ARID2: variants seen among roughly 807,000 people sequenced by gnomAD.
ARID2 encodes the protein AT-rich interaction domain 2, also known as AT-rich interactive domain-containing protein 2.
In ARID2, 32 loss-of-function variants were observed where a neutral mutation model predicts 184.6. The observed-to-expected ratio is 0.17, with a 90% CI of 0.13 to 0.23. The LOEUF is 0.23. Among genes scored for constraint, ARID2 ranks in the 10% least tolerant of loss-of-function variants. The pLI is 1.00. For missense variants in ARID2, 1,696 were observed against 2,197.6 expected (o/e 0.77, Z 4.56); for synonymous variants, 836 against 772.6 (o/e 1.08, Z -1.36).
intron 16 of ARID2, among the ~76,000 whole-genome samples, chr12:45,884,518 CACATTTTAAAA>C (rs1944155605): frequency 1.3e-5 from 2 of 152,214 alleles, no homozygotes; most frequent in East Asian, 1.9e-4. Context: ...TTGGCAGGTA[CACATTTTAAAA>C]ACATTTTAAA....
rs1184036990 is a variant in ARID2, at chr12:45,852,649, C to T, written c.4526C>T (p.Thr1509Ile). Residue 1509 changes from threonine (T) to isoleucine (I), a missense_variant, in exon 15 of 21, where the codon ACA (threonine) becomes ATA (isoleucine). Physicochemically the swap from Thr to Ile is moderately conservative, Grantham distance 89 (BLOSUM62 -1). This residue lies in a region of ARID2 where 428 missense variants were observed against 409.1 expected (regional missense o/e 1.05). Transcript: ENST00000334344. ...LSSDVRSTNG[T>I]AECKTVKRPA... ...TCTGACGTTCGGTCTACAAATGGCA[C>T]AGCAGAATGCAAAACTGTAAAGAGG... 21 of 1,614,168 alleles carry T rather than the reference C, an allele frequency of 1.3e-5. No individual in the cohort carries two copies. The highest frequency in any genetic ancestry group is 1.6e-5 in the Non-Finnish European group (19 of 1,180,010).
chr12:45,824,419 C>T (rs1475750201), intron 6 of ARID2, among the ~76,000 whole-genome samples: 1 of 151,824 alleles, frequency 6.6e-6, no homozygotes, highest in Non-Finnish European at 1.5e-5. Context: ...ATTGGAAGTC[C>T]TAGCCAAAGG....
At chr12:45,733,224 C>G (rs527335788) in intron 3 of ARID2, among the ~76,000 whole-genome samples, 1 of 152,078 alleles carries the variant, frequency 6.6e-6, no homozygotes, top group Admixed American at 6.5e-5. Flanking sequence ...TAAAGAAATA[C>G]AAAAGAAATA....
rs2136475028 is a variant in ARID2, at chr12:45,908,035, T to G, written c.*2957T>G. ...AATGACAATAAAATGATTTTTAAAATGAGAATGTTTTGGATAAGTGACTTC... is the reference window on the plus strand; with the variant it reads ...AATGACAATAAAATGATTTTTAAAAGGAGAATGTTTTGGATAAGTGACTTC... On this transcript the variant is annotated 3_prime_UTR_variant, in exon 21 of 21. Coordinates refer to ENST00000334344, the MANE Select transcript of ARID2 (RefSeq NM_152641.4). 4.6e-6 allele frequency: 1 copy of G among 216,808 alleles called. No individual in the cohort carries two copies. Among genetic ancestry groups the G allele is most frequent in the Admixed American group, 5.8e-5 (1 of 17,206 alleles). 13.4% of individuals were successfully genotyped at this position (216,808 alleles called of 1,614,324 possible).
At chr12:45,847,835 CCTT>C (rs1225420984) in intron 12 of ARID2, among the ~76,000 whole-genome samples, 5 of 151,924 alleles carry the variant, frequency 3.3e-5, no homozygotes, top group Admixed American at 6.6e-5. Context: ...TTTTTCCTCA[CCTT>C]CTATATTTTT....
Position 45,785,772 on chromosome 12 carries a change from TG to T in ARID2, c.285-25644del, listed in dbSNP as rs574978618. On this transcript the variant is annotated intron_variant, in intron 3 of 20. Transcript: ENST00000334344. ...AAAAATTCAAAATCTGAAATAGTTT[TG>T]GTCCTAAGCATTTTGGATAAGGAAT... 1.4e-3 allele frequency among the ~76,000 whole-genome samples: 212 copies of T among 152,308 alleles called. 1 individual carries two copies. Among genetic ancestry groups the T allele is most frequent in the African/African-American group, 5.0e-3 (209 of 41,578 alleles).
intron 11 of ARID2, among the ~76,000 whole-genome samples, chr12:45,843,379 T>C (rs1402287751): frequency 6.6e-6 from 1 of 151,492 alleles, no homozygotes; most frequent in African/African-American, 2.4e-5. Flanking sequence ...TTTCTTCTTT[T>C]TTTTTTTTTT....
chr12:45,865,371 T>A (rs1565630218), intron 16 of ARID2, among the ~76,000 whole-genome samples: 1 of 152,140 alleles, frequency 6.6e-6, no homozygotes, highest in Non-Finnish European at 1.5e-5. Flanking sequence ...GTTTTTCTCA[T>A]TTTTTCAATT....
chr12:45,739,009 C>T (rs1941189866), intron 3 of ARID2, among the ~76,000 whole-genome samples: 4 of 151,572 alleles, frequency 2.6e-5, no homozygotes, highest in African/African-American at 9.7e-5. Flanking sequence ...GCTCTTGTTA[C>T]CCAGGCTAGA....
chr12:45,853,753 C>A (rs1164537189), intron 15 of ARID2, among the ~76,000 whole-genome samples: 1 of 152,244 alleles, frequency 6.6e-6, no homozygotes, highest in Non-Finnish European at 1.5e-5. Flanking sequence ...TCTGCTGACA[C>A]AGTTCTGGCT....
chr12:45,855,450 T>G (rs1043079919), intron 15 of ARID2, among the ~76,000 whole-genome samples: 7 of 152,172 alleles, frequency 4.6e-5, no homozygotes, highest in African/African-American at 1.7e-4. Context: ...TCTATGAGAA[T>G]GAGAATAACA....
intron 11 of ARID2, chr12:45,841,149 G>C (rs1943336370): frequency 1.3e-5 from 2 of 152,134 alleles, no homozygotes; most frequent in African/African-American, 4.8e-5. Flanking sequence ...GGACATAAAG[G>C]AGCAGTGTTA....
At chr12:45,735,583 A>G (rs1223339918) in intron 3 of ARID2, among the ~76,000 whole-genome samples, 1 of 151,912 alleles carries the variant, frequency 6.6e-6, no homozygotes, top group African/African-American at 2.4e-5. Flanking sequence ...AGCCTTCCAA[A>G]GTGCTCGGAT....
intron 13 of ARID2, 40 bp from the exon 14 acceptor site, chr12:45,849,540 A>G (rs1448851545): frequency 6.6e-7 from 1 of 1,505,686 alleles, no homozygotes; most frequent in East Asian, 2.3e-5. Flanking sequence ...AGTCAATGTG[A>G]TAGTTATCAA....
At chr12:45,804,036 A>G (rs1014726844) in intron 3 of ARID2, among the ~76,000 whole-genome samples, 4 of 152,194 alleles carry the variant, frequency 2.6e-5, no homozygotes, top group Non-Finnish European at 2.9e-5. Flanking sequence ...GACAGTGTCA[A>G]TGCATAAATT....
chr12:45,825,017 C>T (rs1942967939), intron 6 of ARID2, among the ~76,000 whole-genome samples: 1 of 151,802 alleles, frequency 6.6e-6, no homozygotes, highest in South Asian at 2.1e-4. Flanking sequence ...TTCATGTTCT[C>T]ACTCGTATGT....
intron 3 of ARID2, among the ~76,000 whole-genome samples, chr12:45,737,371 C>T (rs1941150886): frequency 6.6e-6 from 1 of 151,698 alleles, no homozygotes; most frequent in Non-Finnish European, 1.5e-5. Context: ...CTTTTTTTCC[C>T]CATTATACCA....
chr12:45,862,526 T>A (rs1943766123), intron 16 of ARID2, among the ~76,000 whole-genome samples: 1 of 152,308 alleles, frequency 6.6e-6, no homozygotes, highest in Non-Finnish European at 1.5e-5. Context: ...GGTAGTGTGC[T>A]AAAGGTGTTT....
At chr12:45,841,740 C>T (rs1296237314) in intron 11 of ARID2, 2 of 152,092 alleles carry the variant, frequency 1.3e-5, no homozygotes, top group Non-Finnish European at 2.9e-5. Flanking sequence ...TACCATCATT[C>T]ATTTTTTAAA....
Sources: gnomAD v4.1 joint callset for allele counts (sites outside exome capture counted in the v4.1 genomes callset) on GRCh38, gnomAD v4.1.1 for gene constraint, gnomAD v4.1.1 regional missense constraint, MANE v1.5 for transcripts, NCBI Gene and HGNC (gene_info 2026-07-23, HGNC 2026-07-21) for gene names.